Variants in B3GAT2 observed in about 807,000 individuals in gnomAD.
The protein encoded by B3GAT2 is beta-1,3-glucuronyltransferase 2.
Under a neutral mutation model 27.8 loss-of-function variants are expected in B3GAT2, and 26 were observed. The observed-to-expected ratio is 0.93, with a 90% CI of 0.68 to 1.30. The LOEUF (loss-of-function observed/expected upper bound fraction) is 1.30, where lower values mean the gene tolerates loss of function less well. B3GAT2 is among the 50% of genes most tolerant of loss of function. The pLI is 0.00. For synonymous variants in B3GAT2, 218 were observed against 195.1 expected (o/e 1.12, Z -0.98); for missense variants, 458 against 459.0 (o/e 1.00, Z 0.02).
chr6:70,907,306 T>C (rs867394498), intron 1 of B3GAT2, among the ~76,000 whole-genome samples: 1 of 152,148 alleles, frequency 6.6e-6, no homozygotes, highest in African/African-American at 2.4e-5. Context: ...TCCCTTTCTG[T>C]CCCAGCACAT....
At chr6:70,938,875 C>G (rs1316907096) in intron 1 of B3GAT2, among the ~76,000 whole-genome samples, 1 of 151,740 alleles carries the variant, frequency 6.6e-6, no homozygotes, top group East Asian at 1.9e-4. Context: ...AAAGCATTGG[C>G]AACAAAAGCC....
Position 70,913,285 on chromosome 6 carries a change from G to C in B3GAT2, c.592-19013C>G, listed in dbSNP as rs538237226. ...TAATTTGAGATCTTTCTAACTTTTT[G>C]ATAGGGGTGTTTAGTGCTATAAACT... On this transcript the variant is annotated intron_variant, in intron 1 of 3. Coordinates refer to ENST00000230053, the MANE Select transcript of B3GAT2 (RefSeq NM_080742.3). Among the ~76,000 whole-genome samples the C allele has an allele frequency of 7.9e-4, 120 of 152,178 alleles. 2 individuals carry two copies. In the Middle Eastern group the frequency reaches 0.041, roughly 52 times the overall value.
intron 2 of B3GAT2, among the ~76,000 whole-genome samples, chr6:70,876,339 G>C (rs1159929575): frequency 6.6e-6 from 1 of 152,162 alleles, no homozygotes; most frequent in African/African-American, 2.4e-5. Context: ...GTTGGTTTCT[G>C]ACTGGAAATC....
At position 70,860,145 on chromosome 6, in the gene B3GAT2, C is replaced by G. The variant is rs1459116863; in HGVS notation, c.*1518G>C. 2.6e-5 allele frequency: 39 copies of G among 1,508,710 alleles called. No homozygotes were observed. The highest frequency in any genetic ancestry group is 3.5e-5 in the Non-Finnish European group (39 of 1,128,246). The allele number at this position is 1,508,710 out of a possible 1,614,324, so 93.5% of individuals were successfully genotyped here. A position where few individuals can be genotyped will look rare whatever the true frequency, so the allele number is the denominator to read the frequency against. On this transcript the variant is annotated 3_prime_UTR_variant, in exon 4 of 4. Transcript: ENST00000230053. The stretch of plus-strand genomic sequence containing the variant: ...ATGACCAACTGTGTGGCTAAAGAAA[C>G]AAGAATTAAAAGTGAAGTAAGCCTC...
chr6:70,932,247 CA>C (rs2150046253), intron 1 of B3GAT2, among the ~76,000 whole-genome samples: 1 of 152,114 alleles, frequency 6.6e-6, no homozygotes, highest in African/African-American at 2.4e-5. Context: ...GGTAGTTCTT[CA>C]AAAAACTGAC....
intron 1 of B3GAT2, among the ~76,000 whole-genome samples, chr6:70,897,899 T>G (rs1269706692): frequency 1.3e-5 from 2 of 152,134 alleles, no homozygotes; most frequent in African/African-American, 2.4e-5. Flanking sequence ...CCATTACAAC[T>G]TTTTCAAAAA....
At chr6:70,890,367 G>A (rs1772267653) in intron 2 of B3GAT2, among the ~76,000 whole-genome samples, 1 of 151,996 alleles carries the variant, frequency 6.6e-6, no homozygotes, top group Non-Finnish European at 1.5e-5. Context: ...GACACACCCT[G>A]GTCCACAGGA....
chr6:70,938,541 G>T (rs1225195846), intron 1 of B3GAT2, among the ~76,000 whole-genome samples: 3 of 150,786 alleles, frequency 2.0e-5, no homozygotes, highest in Non-Finnish European at 3.0e-5. Flanking sequence ...GCATGGTACT[G>T]GTACCAAAAC....
intron 1 of B3GAT2, among the ~76,000 whole-genome samples, chr6:70,935,038 C>T (rs1331358684): frequency 6.6e-6 from 1 of 151,888 alleles, no homozygotes; most frequent in Non-Finnish European, 1.5e-5. Context: ...TATCTATATT[C>T]TTTTTGTCAT....
chr6:70,939,841 A>G (rs1765359906), intron 1 of B3GAT2, among the ~76,000 whole-genome samples: 1 of 152,054 alleles, frequency 6.6e-6, no homozygotes, highest in South Asian at 2.1e-4. Flanking sequence ...ACATGTATAC[A>G]TATGTAACTA....
intron 1 of B3GAT2, among the ~76,000 whole-genome samples, chr6:70,933,433 AAC>A (rs778633401): frequency 1.3e-5 from 2 of 152,216 alleles, no homozygotes; most frequent in South Asian, 2.1e-4. Context: ...GAAAATAATT[AAC>A]AGTTAGTGCA....
chr6:70,937,160 G>A, intron 1 of B3GAT2, among the ~76,000 whole-genome samples: 1 of 152,144 alleles, frequency 6.6e-6, no homozygotes, highest in Non-Finnish European at 1.5e-5. Context: ...AGAAGAAATG[G>A]ATAAATTCCT....
At chr6:70,935,287 A>T (rs1562233774) in intron 1 of B3GAT2, among the ~76,000 whole-genome samples, 1 of 151,974 alleles carries the variant, frequency 6.6e-6, no homozygotes, top group East Asian at 1.9e-4. Flanking sequence ...CTCTACCAAA[A>T]AAAAATAAAA....
chr6:70,904,327 T>C (rs1772560668), intron 1 of B3GAT2, among the ~76,000 whole-genome samples: 1 of 152,220 alleles, frequency 6.6e-6, no homozygotes, highest in Non-Finnish European at 1.5e-5. Flanking sequence ...GAGTACACTT[T>C]CGTTTAGGTA....
rs200644554 is a variant in B3GAT2 at position 70,858,131 on chromosome 6, G to A, written c.*3532C>T. Reference sequence around the variant, plus strand: ...TGGTGTGATGCCACTTCCTCAGAACGTTGTTGGCCCCCAAGGAGGAATGGT... The same window carrying A: ...TGGTGTGATGCCACTTCCTCAGAACATTGTTGGCCCCCAAGGAGGAATGGT... On this transcript the variant is annotated 3_prime_UTR_variant, in exon 4 of 4. Transcript: ENST00000230053. 2.7e-5 allele frequency: 43 copies of A among 1,613,890 alleles called. No homozygotes were observed. The East Asian group carries it at 5.1e-4, about 19-fold the overall frequency.
Position 70,859,416 on chromosome 6 carries a change from G to C in B3GAT2, c.*2247C>G. On this transcript the variant is annotated 3_prime_UTR_variant, in exon 4 of 4. Transcript: ENST00000230053. ...AAGGTGGTTAAAATGTCCTTTAGTA[G>C]GTATGAAGACGTGATCTGCTTCTTC... The C allele has an allele frequency of 6.5e-7, 1 of 1,542,426 alleles. No individual in the cohort carries two copies. The highest frequency in any genetic ancestry group is 8.8e-7 in the Non-Finnish European group (1 of 1,140,980).
chr6:70,902,635 TATACACACACACACAC>T (rs1323500580), intron 1 of B3GAT2, among the ~76,000 whole-genome samples: 2 of 143,270 alleles, frequency 1.4e-5, no homozygotes, highest in Admixed American at 6.9e-5. Context: ...TATATATATA[TATACACACACACACAC>T]ACACACACAC....
chr6:70,884,107 A>C (rs534611201), intron 2 of B3GAT2, among the ~76,000 whole-genome samples: 185 of 144,232 alleles, frequency 1.3e-3, no homozygotes, highest in African/African-American at 4.3e-3. Context: ...AAAAAAAAAA[A>C]AAAAAACAAA....
intron 2 of B3GAT2, among the ~76,000 whole-genome samples, chr6:70,886,171 T>C (rs1245723850): frequency 6.6e-6 from 1 of 152,200 alleles, no homozygotes; most frequent in Non-Finnish European, 1.5e-5. Context: ...AAGAACTCAG[T>C]GACTTGGCTG....
Sources: allele counts gnomAD v4.1 joint callset (sites outside exome capture counted in the v4.1 genomes callset), GRCh38; gene constraint gnomAD v4.1.1; transcripts MANE v1.5; gene names NCBI Gene and HGNC (gene_info 2026-07-23, HGNC 2026-07-21).